BABAM2: variants seen among roughly 807,000 people sequenced by gnomAD.
BABAM2 encodes the protein BRISC and BRCA1 A complex member 2.
BABAM2 carries 31 observed loss-of-function variants against 54.7 expected under a neutral mutation model. The observed-to-expected ratio is 0.57, with a 90% confidence interval of 0.43 to 0.77. BABAM2 has a LOEUF of 0.77. Among genes scored for constraint, BABAM2 ranks in the 30% least tolerant of loss-of-function variants. The pLI is 0.00. For synonymous variants in BABAM2, 167 were observed against 162.9 expected, an observed-to-expected ratio of 1.03 and a Z score of -0.19; for missense variants, 364 against 455.8, an observed-to-expected ratio of 0.80 and a Z score of 1.83.
In BABAM2 at chr2:28,298,456, C is replaced by A; in HGVS notation, c.1053C>A (p.Pro351=). 6.2e-7 allele frequency: 1 copy of A among 1,614,174 alleles called. No homozygotes were observed. The highest frequency in any genetic ancestry group is 8.5e-7 in the Non-Finnish European group (1 of 1,180,016). ...SQAQKNYPYS[P]RWDGNEMAKR... Reference sequence around the variant, plus strand: ...CCCAAAAAAATTATCCGTACAGCCCCAGATGGGATGGAAATGAAATGGCCA... The same window carrying A: ...CCCAAAAAAATTATCCGTACAGCCCAAGATGGGATGGAAATGAAATGGCCA... Residue 351 remains proline, a synonymous_variant, in exon 11 of 12, where the codon CCC becomes CCA. Coordinates refer to ENST00000379624, the MANE Select transcript of BABAM2 (RefSeq NM_199191.3).
At chr2:28,093,814 G>T (rs1666367347) in intron 6 of BABAM2, among the ~76,000 whole-genome samples, 1 of 152,176 alleles carries the variant, frequency 6.6e-6, no homozygotes, top group East Asian at 1.9e-4. Flanking sequence ...GAGGGAAACA[G>T]ATAAGAAATT....
At chr2:28,296,462 C>G (rs1305104675) in intron 10 of BABAM2, among the ~76,000 whole-genome samples, 3 of 152,122 alleles carry the variant, frequency 2.0e-5, no homozygotes, top group African/African-American at 7.2e-5. Flanking sequence ...CCCTGCAGCA[C>G]TGAGTCAGTC....
chr2:28,321,051 G>A (rs1689983469), intron 11 of BABAM2, among the ~76,000 whole-genome samples: 2 of 152,124 alleles, frequency 1.3e-5, no homozygotes, highest in Admixed American at 6.5e-5. Flanking sequence ...GTGTTCCCAG[G>A]AGGTCCAGGC....
chr2:28,039,643 T>A (rs887890361), intron 5 of BABAM2, among the ~76,000 whole-genome samples: 1 of 152,214 alleles, frequency 6.6e-6, no homozygotes, highest in Non-Finnish European at 1.5e-5. Flanking sequence ...AAATTTTCCC[T>A]TACAGAACAA....
chr2:28,270,987 A>G (rs1020473994), intron 10 of BABAM2, among the ~76,000 whole-genome samples: 1 of 152,222 alleles, frequency 6.6e-6, no homozygotes, highest in Non-Finnish European at 1.5e-5. Flanking sequence ...AGGCAGGTCT[A>G]CATGAGATGC....
chr2:28,036,867 A>C (rs920664331), intron 5 of BABAM2, among the ~76,000 whole-genome samples: 5 of 152,198 alleles, frequency 3.3e-5, no homozygotes, highest in African/African-American at 1.2e-4. Flanking sequence ...ACCATGTCGT[A>C]CTATTTTGTT....
At chr2:28,001,957 G>C (rs1224309281) in intron 4 of BABAM2, among the ~76,000 whole-genome samples, 1 of 150,858 alleles carries the variant, frequency 6.6e-6, no homozygotes, top group East Asian at 1.9e-4. Context: ...TAATAACAGA[G>C]TTCAAATGAA....
chr2:28,289,859 G>A (rs1232667198), intron 10 of BABAM2, among the ~76,000 whole-genome samples: 2 of 151,926 alleles, frequency 1.3e-5, no homozygotes, highest in African/African-American at 2.4e-5. Context: ...GGAAAGGAGA[G>A]CAAAGGAAAA....
intron 6 of BABAM2, among the ~76,000 whole-genome samples, chr2:28,101,761 A>C (rs1667099600): frequency 1.3e-5 from 2 of 152,196 alleles, no homozygotes; most frequent in African/African-American, 4.8e-5. Context: ...AAATAAATAC[A>C]TATAAACATA....
At chr2:28,005,697 A>G (rs980495619) in intron 4 of BABAM2, among the ~76,000 whole-genome samples, 1 of 152,134 alleles carries the variant, frequency 6.6e-6, no homozygotes, top group East Asian at 1.9e-4. Flanking sequence ...AGAAATCAAA[A>G]CAACAAAATT....
In BABAM2 at chr2:27,988,156, T is replaced by G. The variant is rs1672534858; in HGVS notation, c.300+69T>G. On this transcript the variant is annotated intron_variant, in intron 4 of 11. Transcript: ENST00000379624. ...GGAAAACAAAATTGGCTTTCAGCAG[T>G]TGCTTAACAGATAGATTTGTCACAC... The G allele has an allele frequency of 2.1e-6, 3 of 1,426,752 alleles. No homozygotes were observed. In the South Asian group the frequency reaches 3.5e-5, roughly 16 times the overall value. The allele number at this position is 1,426,752 out of a possible 1,614,324, so 88.4% of individuals were successfully genotyped here.
chr2:28,126,777 C>G (rs1484925618), intron 6 of BABAM2, among the ~76,000 whole-genome samples: 1 of 149,114 alleles, frequency 6.7e-6, no homozygotes, highest in Non-Finnish European at 1.5e-5. Flanking sequence ...AAAAGTGTTC[C>G]TATTTCTCCA....
intron 6 of BABAM2, among the ~76,000 whole-genome samples, chr2:28,114,745 T>C (rs1036820618): frequency 6.6e-6 from 1 of 152,244 alleles, no homozygotes; most frequent in African/African-American, 2.4e-5. Context: ...TTTTCTGCAC[T>C]CTAGGGTTTG....
At chr2:27,942,591 C>T (rs1668981406) in intron 3 of BABAM2, among the ~76,000 whole-genome samples, 1 of 150,110 alleles carries the variant, frequency 6.7e-6, no homozygotes, top group African/African-American at 2.5e-5. Context: ...CTGATCTGAA[C>T]TCCTGGGCTC....
At chr2:28,328,582 T>C (rs145409686) in intron 11 of BABAM2, among the ~76,000 whole-genome samples, 3,814 of 152,260 alleles carry the variant, frequency 0.025, 300 homozygotes, top group Admixed American at 0.17. Context: ...AATTCCAGAA[T>C]TCAAGTCCTG....
chr2:28,085,704 A>G (rs1311852115), intron 6 of BABAM2, among the ~76,000 whole-genome samples: 1 of 152,150 alleles, frequency 6.6e-6, no homozygotes, highest in East Asian at 1.9e-4. Flanking sequence ...TTGTTGTGCT[A>G]CCCATAAAAA....
At chr2:28,187,449 C>G (rs1232085217) in intron 7 of BABAM2, among the ~76,000 whole-genome samples, 1 of 152,154 alleles carries the variant, frequency 6.6e-6, no homozygotes, top group Non-Finnish European at 1.5e-5. Flanking sequence ...TTTCCACATA[C>G]AGTTCCCCCA....
chr2:27,987,244 C>CT (rs1672459711), intron 3 of BABAM2, among the ~76,000 whole-genome samples: 1 of 152,234 alleles, frequency 6.6e-6, no homozygotes, highest in Non-Finnish European at 1.5e-5. Context: ...GGATATAAAT[C>CT]TAAGTTTTTG....
intron 6 of BABAM2, among the ~76,000 whole-genome samples, chr2:28,078,108 C>T (rs546906552): frequency 6.6e-6 from 1 of 152,198 alleles, no homozygotes; most frequent in South Asian, 2.1e-4. Flanking sequence ...TGACATCCGG[C>T]TCTGTCCCAC....
Sources: allele counts gnomAD v4.1 joint callset (sites outside exome capture counted in the v4.1 genomes callset), GRCh38; gene constraint gnomAD v4.1.1; transcripts MANE v1.5; gene names NCBI Gene and HGNC (gene_info 2026-07-23, HGNC 2026-07-21).